DAB1: variants seen among roughly 807,000 people sequenced by gnomAD.
DAB1 encodes the protein disabled homolog 1.
In DAB1, 15 loss-of-function variants were observed where a neutral mutation model predicts 64.6. The ratio of observed to expected loss-of-function variants is 0.23; its 90% CI spans 0.16 to 0.36. The LOEUF is 0.36. Among genes scored for constraint, DAB1 ranks in the 10% least tolerant of loss-of-function variants. The probability of loss-of-function intolerance (pLI) is 1.00; values close to 1 mark genes in which losing one functional copy is unlikely to be tolerated. For synonymous variants in DAB1, 235 were observed against 251.9 expected (o/e 0.93, Z 0.64); for missense variants, 596 against 706.7 (o/e 0.84, Z 1.78).
intron 1 of DAB1, among the ~76,000 whole-genome samples, chr1:57,328,554 G>C (rs1404296684): frequency 6.6e-6 from 1 of 152,166 alleles, no homozygotes; most frequent in Non-Finnish European, 1.5e-5. Context: ...TAAATTGTGT[G>C]TCCATGTCAT....
chr1:57,311,542 C>T (rs533116823), intron 1 of DAB1, among the ~76,000 whole-genome samples: 4 of 138,696 alleles, frequency 2.9e-5, no homozygotes, highest in Admixed American at 6.9e-5. Flanking sequence ...ACACACACAC[C>T]ACTTCTTGGC....
chr1:57,948,684 G>T (rs1645220211), intron 5 of DAB1, among the ~76,000 whole-genome samples: 1 of 152,226 alleles, frequency 6.6e-6, no homozygotes, highest in Admixed American at 6.5e-5. Flanking sequence ...ATGAGATTCA[G>T]TTCTGAATCT....
rs150177634 is a variant in DAB1 at position 57,690,328 on chromosome 1, A to T, written n.552-40663T>A. On this transcript the variant is annotated intron_variant and non_coding_transcript_variant, in intron 6 of 20. Transcript: ENST00000485760. ...ATGTCAAATTGTAATCCCCTATGTCAGAGGAGGGGCATGGTGGGGGGTAAT... is the reference window on the plus strand; with the variant it reads ...ATGTCAAATTGTAATCCCCTATGTCTGAGGAGGGGCATGGTGGGGGGTAAT... 7.6e-3 allele frequency among the ~76,000 whole-genome samples: 1,163 copies of T among 152,216 alleles called. 14 individuals carry two copies. The highest frequency in any genetic ancestry group is 0.027 in the African/African-American group (1,118 of 41,528).
chr1:57,548,887 T>A (rs921785328), intron 7 of DAB1, among the ~76,000 whole-genome samples: 4 of 152,178 alleles, frequency 2.6e-5, no homozygotes, highest in Non-Finnish European at 5.9e-5. Flanking sequence ...CTCATGTGCA[T>A]TAATTTAGTT....
chr1:57,061,406 CT>C (rs1469464645), intron 9 of DAB1, among the ~76,000 whole-genome samples: 1 of 152,170 alleles, frequency 6.6e-6, no homozygotes, highest in African/African-American at 2.4e-5. Context: ...ATCCAGAGCT[CT>C]CCTGTCCATC....
At chr1:58,069,614 G>C (rs1445882883) in intron 5 of DAB1, among the ~76,000 whole-genome samples, 1 of 152,138 alleles carries the variant, frequency 6.6e-6, no homozygotes, top group East Asian at 1.9e-4. Flanking sequence ...TCTGCTCTGT[G>C]ACTGTCACTG....
At chr1:58,090,747 T>C (rs1488148394) in intron 5 of DAB1, among the ~76,000 whole-genome samples, 3 of 152,138 alleles carry the variant, frequency 2.0e-5, no homozygotes, top group East Asian at 3.9e-4. Context: ...CACCAACAAA[T>C]CAGACACAGC....
chr1:57,279,506 A>G (rs1671724831), intron 2 of DAB1, among the ~76,000 whole-genome samples: 2 of 152,212 alleles, frequency 1.3e-5, no homozygotes, highest in South Asian at 4.1e-4. Context: ...AGGGTCTCGA[A>G]TAGATAGCTG....
intron 7 of DAB1, among the ~76,000 whole-genome samples, chr1:57,595,250 T>G (rs567129492): frequency 1.3e-5 from 2 of 151,970 alleles, no homozygotes; most frequent in South Asian, 2.1e-4. Context: ...GATTCTAAAT[T>G]TTTTTTAGAT....
intron 9 of DAB1, among the ~76,000 whole-genome samples, chr1:57,035,691 C>A (rs778947979): frequency 4.6e-5 from 7 of 152,016 alleles, no homozygotes; most frequent in Non-Finnish European, 1.0e-4. Context: ...TGGGTAATGA[C>A]ATCATGGCAA....
intron 7 of DAB1, among the ~76,000 whole-genome samples, chr1:57,639,644 C>G (rs1321064883): frequency 6.6e-6 from 1 of 152,142 alleles, no homozygotes; most frequent in African/African-American, 2.4e-5. Flanking sequence ...CAGGTATGCC[C>G]TCTTTCATTC....
At chr1:58,408,046 G>C (rs1009485237) in intron 3 of DAB1, among the ~76,000 whole-genome samples, 3 of 152,002 alleles carry the variant, frequency 2.0e-5, no homozygotes, top group African/African-American at 7.3e-5. Flanking sequence ...GTACTCCCTG[G>C]ACCAGCAGCC....
upstream of DAB1, among the ~76,000 whole-genome samples, chr1:57,426,006 C>T (rs1685271076): frequency 6.6e-6 from 1 of 152,066 alleles, no homozygotes; most frequent in Admixed American, 6.6e-5. Context: ...AAGACATGGT[C>T]GAAACAGGGG....
intron 3 of DAB1, among the ~76,000 whole-genome samples, chr1:58,500,359 CCAA>C (rs2100403333): frequency 6.6e-6 from 1 of 152,214 alleles, no homozygotes; most frequent in African/African-American, 2.4e-5. Context: ...TGTACACTGG[CCAA>C]CAACGACATT....
At chr1:57,136,309 C>G (rs1211798020) in intron 4 of DAB1, among the ~76,000 whole-genome samples, 1 of 152,106 alleles carries the variant, frequency 6.6e-6, no homozygotes, top group East Asian at 1.9e-4. Context: ...ATCAGATTAC[C>G]AGGATAGTGT....
rs150259875 is a variant in DAB1, at chr1:58,290,467, G to A, written n.309+52885C>T. Among the ~76,000 whole-genome samples, 243 of 152,264 alleles carry A rather than the reference G, an allele frequency of 1.6e-3. 1 individual carries two copies. Among genetic ancestry groups the A allele is most frequent in the African/African-American group, 5.3e-3 (221 of 41,554 alleles). The stretch of plus-strand genomic sequence containing the variant: ...AGCACAACATGTCAGGCAGGAAGCA[G>A]CAGAAGGTAAAGGTAGAGAAGTAGA... On this transcript the variant is annotated intron_variant and non_coding_transcript_variant, in intron 4 of 20. Transcript: ENST00000485760.
chr1:57,233,807 G>C (rs968353729), intron 2 of DAB1, among the ~76,000 whole-genome samples: 2 of 151,910 alleles, frequency 1.3e-5, no homozygotes, highest in Admixed American at 1.3e-4. Context: ...TGAGTGGTAC[G>C]GCTTCCTCTG....
chr1:57,057,033 T>C (rs896645456), intron 9 of DAB1, among the ~76,000 whole-genome samples: 25 of 152,062 alleles, frequency 1.6e-4, no homozygotes, highest in African/African-American at 6.0e-4. Context: ...CAGAGGCTCA[T>C]GGTGAGAGAA....
At chr1:58,447,034 G>A (rs7542160) in intron 3 of DAB1, among the ~76,000 whole-genome samples, 2,542 of 152,300 alleles carry the variant, frequency 0.017, 82 homozygotes, top group African/African-American at 0.059. Flanking sequence ...TATTAGGATG[G>A]TGTTGGTGGC....
Sources: allele counts gnomAD v4.1 joint callset (sites outside exome capture counted in the v4.1 genomes callset), GRCh38; gene constraint gnomAD v4.1.1; transcripts MANE v1.5; gene names NCBI Gene and HGNC (gene_info 2026-07-23, HGNC 2026-07-21).